The following TPRG1L variants were observed in gnomAD, a reference collection of about 807,000 sequenced individuals.
The protein encoded by TPRG1L is tumor protein p63 regulated 1 like, also known as tumor protein p63-regulated gene 1-like protein.
A neutral mutation model predicts 29.4 loss-of-function variants in TPRG1L; 25 were observed. The ratio of observed to expected loss-of-function variants is 0.85; its 90% CI spans 0.62 to 1.19. The LOEUF (loss-of-function observed/expected upper bound fraction) is 1.19. Ranked by LOEUF, TPRG1L falls within the 50% of genes most tolerant of loss-of-function variation. The probability of loss-of-function intolerance (pLI) is 0.00; values close to 1 mark genes in which losing one functional copy is unlikely to be tolerated. For missense variants in TPRG1L, 354 were observed against 364.4 expected (o/e 0.97, Z 0.23); for synonymous variants, 182 against 151.1 (o/e 1.20, Z -1.50).
Position 3,625,709 on chromosome 1 carries a change from A to C in TPRG1L, c.294-4A>C. ...GTGGACTGAGGCCCCTCCTCTGCCTACAGGGTGGATCACTGGAACAATGAG... is the reference window on the plus strand; with the variant it reads ...GTGGACTGAGGCCCCTCCTCTGCCTCCAGGGTGGATCACTGGAACAATGAG... On this transcript the variant is annotated splice_polypyrimidine_tract_variant and splice_region_variant and intron_variant, in intron 2 of 4. Transcript: ENST00000378344. 6.8e-6 allele frequency: 11 copies of C among 1,610,704 alleles called. 1 individual carries two copies. The South Asian group carries it at 7.7e-5, about 11-fold the overall frequency.
At chr1:3,626,296 C>T (rs530621124) in intron 3 of TPRG1L, among the ~76,000 whole-genome samples, 3 of 152,254 alleles carry the variant, frequency 2.0e-5, no homozygotes, top group East Asian at 3.9e-4. Flanking sequence ...TGGAGGGTCC[C>T]GTTGTAATTT....
chr1:3,627,606 G>A lies in TPRG1L; in HGVS notation c.577G>A (p.Glu193Lys). Residue 193 changes from glutamate to lysine, a missense_variant, in exon 4 of 5, where the codon GAA becomes AAA. Transcript: ENST00000378344. ...CAACGTGCCCTATGCCACTTTCACA[G>A]AACACCCGATGGCTGGCGCAGATGA... ...STNVPYATFT[E>K]HPMAGADEKT... 1 of 1,613,996 alleles carries A rather than the reference G, an allele frequency of 6.2e-7. No individual in the cohort carries two copies. Among genetic ancestry groups the A allele is most frequent in the African/African-American group, 1.3e-5 (1 of 75,044 alleles).
At chr1:3,626,801 ACTCCTGGGCTCAAGAGATCCGCC>A (rs891771956) in intron 3 of TPRG1L, among the ~76,000 whole-genome samples, 1 of 150,772 alleles carries the variant, frequency 6.6e-6, no homozygotes, top group Admixed American at 6.6e-5. Flanking sequence ...CTGTTCTCAA[ACTCCTGGGCTCAAGAGATCCGCC>A]CATTTTGGCC....
intron 3 of TPRG1L, 89 bp from the exon 4 acceptor site, chr1:3,627,411 T>C: frequency 1.3e-6 from 2 of 1,487,598 alleles, no homozygotes; most frequent in Non-Finnish European, 1.9e-6. Flanking sequence ...TTTGCTGTCA[T>C]ATTCTCCTAA....
At chr1:3,627,757 A>G in intron 4 of TPRG1L, 104 bp downstream of exon 4, 1 of 1,451,560 alleles carries the variant, frequency 6.9e-7, no homozygotes, top group East Asian at 2.3e-5. Flanking sequence ...GGCCACGCGG[A>G]GCTGCCGAGC....
Position 3,625,251 on chromosome 1 carries a change from T to G in TPRG1L, c.179T>G (p.Val60Gly). ...SIHDPTRRAR[V>G]KEYFVFRPGS... ...CACGACCCCACGCGCCGCGCCCGCGTCAAGGAGTACTTCGTGTTCCGGGTG... is the reference window on the plus strand; with the variant it reads ...CACGACCCCACGCGCCGCGCCCGCGGCAAGGAGTACTTCGTGTTCCGGGTG... The change falls in exon 1 of 5, where the codon GTC becomes GGC. Residue 60 changes from valine (V) to glycine (G), a missense_variant. Coordinates refer to ENST00000378344, the MANE Select transcript of TPRG1L (RefSeq NM_182752.4). 7.3e-7 allele frequency: 1 copy of G among 1,370,452 alleles called. No individual in the cohort carries two copies. Among genetic ancestry groups the G allele is most frequent in the Non-Finnish European group, 9.4e-7 (1 of 1,068,680 alleles). The allele number at this position is 1,370,452 out of a possible 1,614,324, so 84.9% of individuals were successfully genotyped here. A position where few individuals can be genotyped will look rare whatever the true frequency, so the allele number is the denominator to read the frequency against.
chr1:3,627,717 C>T (rs530327434), intron 4 of TPRG1L, 64 bp downstream of exon 4: 17 of 1,599,922 alleles, frequency 1.1e-5, no homozygotes, highest in East Asian at 4.5e-5. Context: ...CCCGCAGTCA[C>T]GGAGACACTT....
In TPRG1L at chr1:3,628,635, GGGAGCTCCTCCCC is replaced by G. The variant is rs772807870; in HGVS notation, c.*33_*45del. The G allele has an allele frequency of 1.1e-3, 332 of 308,658 alleles. 2 individuals are homozygous for G. The East Asian group carries it at 0.022, about 20-fold the overall frequency. The allele number at this position is 308,658 out of a possible 1,614,324, so 19.1% of individuals were successfully genotyped here. ...CGTTCTGGGAGCTCCTCCCCCTTCT[GGGAGCTCCTCCCC>G]CTCCCCAGAAGGCCAAGGGATGTGG... is the stretch of plus-strand genomic sequence containing the variant. On this transcript the variant is annotated 3_prime_UTR_variant, in exon 5 of 5. Transcript: ENST00000378344.
chr1:3,627,800 C>T (rs1644500520), intron 4 of TPRG1L, 147 bp downstream of exon 4: 4 of 1,055,832 alleles, frequency 3.8e-6, no homozygotes, highest in Non-Finnish European at 5.4e-6. Flanking sequence ...AGAGAGGAAG[C>T]TCTCATTTTA....
intron 1 of TPRG1L, 65 bp downstream of exon 1, chr1:3,625,338 T>C: frequency 6.6e-7 from 1 of 1,521,304 alleles, no homozygotes; most frequent in Non-Finnish European, 8.8e-7. Flanking sequence ...GCGGGTGGGG[T>C]CGGAGGCGGG....
chr1:3,627,555 A>C lies in TPRG1L; in HGVS notation c.526A>C (p.Ile176Leu). The change falls in exon 4 of 5, where the codon ATA (isoleucine) becomes CTA (leucine). Residue 176 changes from isoleucine (I) to leucine (L), a missense_variant. Transcript: ENST00000378344. ...GGACAAGCAAAGTCGTCCTTCCTTC[A>C]TAAACAGATGGAATCCCTGGTCTAC... is the stretch of plus-strand genomic sequence containing the variant. The part of the protein sequence containing the change: ...QWDKQSRPSF[I>L]NRWNPWSTNV... The C allele has an allele frequency of 6.2e-7, 1 of 1,614,100 alleles. No homozygotes were observed. The highest frequency in any genetic ancestry group is 8.5e-7 in the Non-Finnish European group (1 of 1,180,024).
In TPRG1L at chr1:3,625,756, A is replaced by T. The variant is rs745764050; in HGVS notation, c.337A>T (p.Thr113Ser). ...NNEKERLVLV[T>S]EQSLLICKYD... ...TGAGAAGGAGCGGCTGGTGCTGGTCACGGAGCAGTCCCTGCTTATCTGTAA... is the reference window on the plus strand; with the variant it reads ...TGAGAAGGAGCGGCTGGTGCTGGTCTCGGAGCAGTCCCTGCTTATCTGTAA... The change falls in exon 3 of 5, where the codon ACG becomes TCG. Residue 113 changes from threonine (T) to serine (S), a missense_variant. Physicochemically the swap from Thr to Ser is moderately conservative, Grantham distance 58. Coordinates refer to ENST00000378344, the MANE Select transcript of TPRG1L (RefSeq NM_182752.4). 1.2e-6 allele frequency: 2 copies of T among 1,613,400 alleles called. No individual in the cohort carries two copies. Among genetic ancestry groups the T allele is most frequent in the Non-Finnish European group, 1.7e-6 (2 of 1,179,968 alleles).
intron 3 of TPRG1L, among the ~76,000 whole-genome samples, chr1:3,626,860 T>A (rs1284887560): frequency 2.0e-5 from 3 of 152,224 alleles, no homozygotes; most frequent in African/African-American, 7.2e-5. Flanking sequence ...ATTATAGATG[T>A]CAGCCACCGT....
rs769391820 is a variant in TPRG1L at position 3,625,439 on chromosome 1, C to A, written c.217C>A (p.Gln73Lys). 1.7e-5 allele frequency: 28 copies of A among 1,602,544 alleles called. No homozygotes were observed. The highest frequency in any genetic ancestry group is 2.4e-5 in the Non-Finnish European group (28 of 1,175,998). The change falls in exon 2 of 5, where the codon CAG becomes AAG. Residue 73 changes from glutamine (Q) to lysine (K), a missense_variant. Physicochemically the swap from Gln to Lys is moderately conservative, Grantham distance 53. Transcript: ENST00000378344. ...ACCCGCCCAGCCCGGCAGCATCGAGCAGGCAGTGGAGGAGATCCGCGTGGT... is the reference window on the plus strand; with the variant it reads ...ACCCGCCCAGCCCGGCAGCATCGAGAAGGCAGTGGAGGAGATCCGCGTGGT... The part of the protein sequence containing the change: ...YFVFRPGSIE[Q>K]AVEEIRVVVR...
intron 3 of TPRG1L, 42 bp downstream of exon 3, chr1:3,625,931 A>G (rs1325958670): frequency 6.4e-7 from 1 of 1,558,358 alleles, no homozygotes; most frequent in African/African-American, 1.4e-5. Flanking sequence ...CCTAAGCACC[A>G]GAGTGGACCT....
In TPRG1L at chr1:3,628,555, C is replaced by A. The variant is rs147440838; in HGVS notation, c.771C>A (p.Asn257Lys). The A allele has an allele frequency of 4.3e-6, 7 of 1,612,918 alleles. No homozygotes were observed. The highest frequency in any genetic ancestry group is 5.9e-6 in the Non-Finnish European group (7 of 1,179,438). Residue 257 changes from asparagine (N) to lysine (K), a missense_variant, in exon 5 of 5, where the codon AAC becomes AAA. Coordinates refer to ENST00000378344, the MANE Select transcript of TPRG1L (RefSeq NM_182752.4). ...TGGGACTCATGTCCTTCATTAACAA[C>A]GAGGCGAAACTGGGCTACTCCATGA... ...TYVGLMSFIN[N>K]EAKLGYSMTR...
chr1:3,627,410 A>C, intron 3 of TPRG1L, 90 bp from the exon 4 acceptor site: 1 of 1,477,980 alleles, frequency 6.8e-7, no homozygotes, highest in South Asian at 1.2e-5. Context: ...TTTTGCTGTC[A>C]TATTCTCCTA....
rs1644513972 is a variant in TPRG1L at position 3,630,039 on chromosome 1, C to T, written c.*1436C>T. 2 of 152,276 alleles carry T rather than the reference C, an allele frequency of 1.3e-5. No individual in the cohort carries two copies. The highest frequency in any genetic ancestry group is 6.5e-5 in the Admixed American group (1 of 15,292). The allele number at this position is 152,276 out of a possible 1,614,324, so 9.4% of individuals were successfully genotyped here. ...GGCTGCCTCAGAAGCTGGCTGGGGA[C>T]TCTAGCCTCTGTGTTCATAAAGACA... On this transcript the variant is annotated 3_prime_UTR_variant, in exon 5 of 5. Coordinates refer to ENST00000378344, the MANE Select transcript of TPRG1L (RefSeq NM_182752.4).
At chr1:3,627,707 C>T (rs980381605) in intron 4 of TPRG1L, 54 bp downstream of exon 4, 3 of 1,604,192 alleles carry the variant, frequency 1.9e-6, no homozygotes, top group South Asian at 2.2e-5. Flanking sequence ...GGAAACACCC[C>T]CCGCAGTCAC....
Sources: allele counts gnomAD v4.1 joint callset (sites outside exome capture counted in the v4.1 genomes callset), GRCh38; gene constraint gnomAD v4.1.1; transcripts MANE v1.5; gene names NCBI Gene and HGNC (gene_info 2026-07-23, HGNC 2026-07-21).